CDH17: variants seen among roughly 807,000 people sequenced by gnomAD.
The protein encoded by CDH17 is cadherin-17.
Under a neutral mutation model 86.3 loss-of-function variants are expected in CDH17, and 67 were observed. The observed-to-expected ratio is 0.78, with a 90% CI of 0.64 to 0.95. CDH17 has a LOEUF of 0.95. CDH17 is among the 40% of genes least tolerant of loss of function. The pLI, the probability that CDH17 is intolerant of heterozygous loss-of-function variation, is 0.00. For missense variants in CDH17, 993 were observed against 1,017.6 expected (o/e 0.98, Z 0.33); for synonymous variants, 367 against 366.4 (o/e 1.00, Z -0.02).
At chr8:94,192,061 C>T (rs544967142) in intron 2 of CDH17, among the ~76,000 whole-genome samples, 83 of 152,350 alleles carry the variant, frequency 5.4e-4, no homozygotes, top group African/African-American at 1.9e-3. Flanking sequence ...ATTAGCCACA[C>T]ACAAACAAGG....
chr8:94,165,995 G>A lies in CDH17; in HGVS notation c.1067-19C>T, dbSNP rs759518639. ...CTGTTACCTATGAGGAAGGAAAGAA[G>A]GAAAACCCACCATTACAGGCTCCAC... On this transcript the variant is annotated intron_variant, in intron 9 of 17. Transcript: ENST00000027335. 7.3e-6 allele frequency: 11 copies of A among 1,502,280 alleles called. 1 individual carries two copies. The South Asian group carries it at 1.1e-4, about 15-fold the overall frequency. The allele number at this position is 1,502,280 out of a possible 1,614,324, so 93.1% of individuals were successfully genotyped here. A position where few individuals can be genotyped will look rare whatever the true frequency, so the allele number is the denominator to read the frequency against.
chr8:94,154,056 A>G (rs1421529379), intron 12 of CDH17, among the ~76,000 whole-genome samples: 5 of 152,220 alleles, frequency 3.3e-5, no homozygotes, highest in African/African-American at 1.2e-4. Flanking sequence ...AAAAAATGAT[A>G]AGTGAGGTAA....
At chr8:94,217,096 C>T (rs1397347375) in intron 1 of CDH17, 1 of 151,660 alleles carries the variant, frequency 6.6e-6, no homozygotes, top group South Asian at 2.1e-4. Flanking sequence ...GATTTGAATC[C>T]GGATCTGATT....
intron 2 of CDH17, 102 bp downstream of exon 2, chr8:94,194,533 C>CT: frequency 1.3e-6 from 1 of 792,532 alleles, no homozygotes; most frequent in South Asian, 1.6e-5. Flanking sequence ...GATAGGTCAT[C>CT]TTTTTTTAAG....
At chr8:94,206,856 C>G (rs563372228) in intron 1 of CDH17, among the ~76,000 whole-genome samples, 54 of 152,140 alleles carry the variant, frequency 3.5e-4, no homozygotes, top group East Asian at 3.1e-3. Flanking sequence ...TCAGACCTTC[C>G]AGGCTGGTCT....
intron 14 of CDH17, among the ~76,000 whole-genome samples, chr8:94,148,269 T>C (rs1812783882): frequency 1.3e-5 from 2 of 151,952 alleles, no homozygotes; most frequent in Non-Finnish European, 2.9e-5. Flanking sequence ...GGGCTGGGCG[T>C]GGTGGCTCAC....
intron 1 of CDH17, among the ~76,000 whole-genome samples, chr8:94,207,997 C>G (rs1217797601): frequency 2.0e-5 from 3 of 152,138 alleles, no homozygotes; most frequent in Admixed American, 6.5e-5. Flanking sequence ...CTGCATGTTC[C>G]CTCCCTTGCT....
chr8:94,146,561 C>T (rs1472682451), intron 14 of CDH17, among the ~76,000 whole-genome samples: 1 of 152,148 alleles, frequency 6.6e-6, no homozygotes, highest in East Asian at 1.9e-4. Context: ...TGTGGCTTTG[C>T]AAGAATCCCA....
intron 5 of CDH17, among the ~76,000 whole-genome samples, 154 bp from the exon 6 acceptor site, chr8:94,174,414 C>A (rs1054689238): frequency 2.0e-5 from 3 of 152,104 alleles, no homozygotes; most frequent in African/African-American, 7.2e-5. Context: ...TATCCCACTC[C>A]CCCCTTCCCT....
rs969211584 is a variant in CDH17 at position 94,157,665 on chromosome 8, C to T, written c.1551+2306G>A. On this transcript the variant is annotated intron_variant, in intron 12 of 17. Transcript: ENST00000027335. ...CACAGTGGCTCAAACACCTGTGATC[C>T]CAGCAATTTGGGAGGCTGAGGCAGG... Among the ~76,000 whole-genome samples the T allele has an allele frequency of 2.6e-5, 4 of 152,250 alleles. No individual in the cohort carries two copies. In the East Asian group the frequency reaches 7.7e-4, roughly 29 times the overall value.
intron 4 of CDH17, 84 bp downstream of exon 4, chr8:94,177,502 AG>A (rs1278535292): frequency 8.5e-6 from 12 of 1,404,772 alleles, no homozygotes; most frequent in Admixed American, 3.6e-5. Flanking sequence ...ATTCTGTGCA[AG>A]GAAGGAAGGT....
rs756890899 is a variant in CDH17, at chr8:94,160,018, C to A, written c.1504G>T (p.Val502Phe). ...IKGDSEGRLG[V>F]DTDPHTNTGY... ...GTGTTGGTATGGGGATCTGTGTCAA[C>A]CCCCAGGCGTCCCTCACTGTCTCCC... Residue 502 changes from valine to phenylalanine, a missense_variant, in exon 12 of 18, where the codon GTT becomes TTT. Val to Phe is a conservative substitution (Grantham distance 50). Transcript: ENST00000027335. 1.2e-6 allele frequency: 2 copies of A among 1,613,362 alleles called. No individual in the cohort carries two copies. The highest frequency in any genetic ancestry group is 1.7e-5 in the Admixed American group (1 of 59,972).
chr8:94,183,827 AC>A (rs2130655109), intron 3 of CDH17, among the ~76,000 whole-genome samples: 1 of 152,222 alleles, frequency 6.6e-6, no homozygotes, highest in South Asian at 2.1e-4. Flanking sequence ...AAGGGAGAGA[AC>A]TTGTATACGG....
At chr8:94,187,382 C>T (rs942414853) in intron 3 of CDH17, among the ~76,000 whole-genome samples, 14 of 152,210 alleles carry the variant, frequency 9.2e-5, no homozygotes, top group African/African-American at 3.1e-4. Flanking sequence ...GTAAGCTCAC[C>T]GGAGCAGGGA....
chr8:94,154,432 G>A (rs962654047), intron 12 of CDH17, among the ~76,000 whole-genome samples: 69 of 152,126 alleles, frequency 4.5e-4, no homozygotes, highest in African/African-American at 1.6e-3. Flanking sequence ...TTTTTTATGG[G>A]AAATGATTTT....
chr8:94,164,315 A>G (rs1432312662), intron 10 of CDH17, among the ~76,000 whole-genome samples: 1 of 152,104 alleles, frequency 6.6e-6, no homozygotes, highest in East Asian at 1.9e-4. Flanking sequence ...GTTCCTTGCA[A>G]TTTACTGACT....
intron 13 of CDH17, among the ~76,000 whole-genome samples, chr8:94,149,342 T>G (rs557518170): frequency 3.7e-4 from 57 of 152,110 alleles, no homozygotes; most frequent in Non-Finnish European, 5.4e-4. Context: ...GGTAACACAG[T>G]GAATTCCTCA....
At chr8:94,153,645 T>A (rs1218302411) in intron 12 of CDH17, among the ~76,000 whole-genome samples, 7 of 152,288 alleles carry the variant, frequency 4.6e-5, no homozygotes, top group Non-Finnish European at 7.4e-5. Context: ...AGTATATATA[T>A]GCATACATAC....
intron 12 of CDH17, 116 bp from the exon 13 acceptor site, chr8:94,152,228 T>A (rs1812870232): frequency 5.7e-6 from 6 of 1,055,728 alleles, no homozygotes; most frequent in Non-Finnish European, 8.2e-6. Flanking sequence ...AAAAACTGGA[T>A]ATCCACATGT....
Sources: allele counts gnomAD v4.1 joint callset (sites outside exome capture counted in the v4.1 genomes callset), GRCh38; gene constraint gnomAD v4.1.1; transcripts MANE v1.5; gene names NCBI Gene and HGNC (gene_info 2026-07-23, HGNC 2026-07-21).